The following LRRC7 variants were observed in gnomAD, a reference collection of about 807,000 sequenced individuals.
LRRC7 encodes the protein leucine-rich repeat-containing protein 7.
LRRC7 carries 23 observed loss-of-function variants against 175.7 expected under a neutral mutation model. The observed-to-expected ratio is 0.13, with a 90% CI of 0.09 to 0.19. LRRC7 has a LOEUF of 0.19. Among genes scored for constraint, LRRC7 ranks in the 10% least tolerant of loss-of-function variants. LRRC7 has a pLI of 1.00. For synonymous variants in LRRC7, 685 were observed against 680.9 expected, an observed-to-expected ratio of 1.01 and a Z score of -0.09; for missense variants, 1,354 against 1,904.7, an observed-to-expected ratio of 0.71 and a Z score of 5.38.
intron 1 of LRRC7, among the ~76,000 whole-genome samples, chr1:69,637,645 ATCT>A (rs1264995605): frequency 6.6e-6 from 1 of 151,914 alleles, no homozygotes; most frequent in Non-Finnish European, 1.5e-5. Flanking sequence ...ATACACGTTA[ATCT>A]TCTTTTCCTT....
At chr1:69,920,149 CG>C in intron 7 of LRRC7, 1 of 189,606 alleles carries the variant, frequency 5.3e-6, no homozygotes, top group Non-Finnish European at 1.1e-5. Flanking sequence ...TCAGCAGAGC[CG>C]CCCCATGTCC....
intron 1 of LRRC7, among the ~76,000 whole-genome samples, chr1:69,597,599 T>C (rs1646895027): frequency 1.3e-5 from 2 of 152,154 alleles, no homozygotes; most frequent in Non-Finnish European, 2.9e-5. Context: ...TCAAGCATAA[T>C]GTCCGTAGCA....
At chr1:69,880,642 G>T (rs556935857) in intron 7 of LRRC7, among the ~76,000 whole-genome samples, 1 of 152,122 alleles carries the variant, frequency 6.6e-6, no homozygotes, top group East Asian at 1.9e-4. Flanking sequence ...CTGTAATCAT[G>T]ACAAAAGAAG....
At chr1:69,623,830 G>A (rs964038236) in intron 1 of LRRC7, among the ~76,000 whole-genome samples, 2 of 152,072 alleles carry the variant, frequency 1.3e-5, no homozygotes, top group Admixed American at 6.6e-5. Context: ...GATTACAGGC[G>A]AGGCATGATA....
intron 2 of LRRC7, among the ~76,000 whole-genome samples, chr1:69,732,367 G>T (rs1667672468): frequency 6.6e-6 from 1 of 151,912 alleles, no homozygotes; most frequent in Non-Finnish European, 1.5e-5. Flanking sequence ...ATTGCTCAAG[G>T]AAAGATGAAC....
At chr1:70,105,675 G>A (rs2102209033) in intron 25 of LRRC7, among the ~76,000 whole-genome samples, 1 of 152,106 alleles carries the variant, frequency 6.6e-6, no homozygotes, top group Non-Finnish European at 1.5e-5. Context: ...TCAATGCCCT[G>A]TTATTAGACT....
intron 2 of LRRC7, among the ~76,000 whole-genome samples, chr1:69,701,954 G>T (rs553104157): frequency 1.3e-5 from 2 of 151,966 alleles, no homozygotes; most frequent in Non-Finnish European, 2.9e-5. Flanking sequence ...GTGTCCATGC[G>T]GTATAAAGTT....
At chr1:70,080,678 A>G (rs1276571747) in intron 24 of LRRC7, among the ~76,000 whole-genome samples, 1 of 152,236 alleles carries the variant, frequency 6.6e-6, no homozygotes, top group East Asian at 1.9e-4. Context: ...TATAAATCTG[A>G]CTTCAAATAA....
chr1:69,773,829 C>T (rs773846261), intron 3 of LRRC7, among the ~76,000 whole-genome samples: 5 of 152,102 alleles, frequency 3.3e-5, no homozygotes, highest in East Asian at 1.9e-4. Flanking sequence ...TAAAGCACAA[C>T]GAGGTTAAAG....
intron 1 of LRRC7, among the ~76,000 whole-genome samples, chr1:69,632,205 T>C (rs1270187835): frequency 1.3e-5 from 2 of 152,060 alleles, no homozygotes; most frequent in Non-Finnish European, 2.9e-5. Flanking sequence ...ACAGCACCCA[T>C]TGTTTCCCTC....
intron 8 of LRRC7, among the ~76,000 whole-genome samples, chr1:69,950,333 C>T (rs527894726): frequency 2.6e-5 from 4 of 151,758 alleles, no homozygotes; most frequent in South Asian, 2.1e-4. Context: ...AAGGTAAATA[C>T]GGAAGAGATA....
At chr1:69,773,469 G>T (rs1029699560) in intron 3 of LRRC7, among the ~76,000 whole-genome samples, 1 of 152,158 alleles carries the variant, frequency 6.6e-6, no homozygotes, top group Non-Finnish European at 1.5e-5. Flanking sequence ...AACTGAGAGG[G>T]TGAGAGAGTG....
intron 7 of LRRC7, among the ~76,000 whole-genome samples, chr1:69,878,059 A>G (rs1686204551): frequency 6.6e-6 from 1 of 152,168 alleles, no homozygotes; most frequent in Admixed American, 6.5e-5. Context: ...AGTTATGTGA[A>G]AGTAGAAGAA....
intron 7 of LRRC7, among the ~76,000 whole-genome samples, chr1:69,877,637 C>T (rs1463491915): frequency 2.0e-5 from 3 of 152,134 alleles, no homozygotes; most frequent in African/African-American, 7.2e-5. Flanking sequence ...CCAAGTTCTT[C>T]CTGCTTATTC....
At position 69,916,066 on chromosome 1, in the gene LRRC7, TTATATATATAATATATATATTATATA is replaced by T. The variant is rs1557884071; in HGVS notation, c.648-15440_648-15415del. Among the ~76,000 whole-genome samples the T allele has an allele frequency of 7.8e-4, 104 of 134,108 alleles. 4 individuals carry two copies. Among genetic ancestry groups the T allele is most frequent in the African/African-American group, 3.1e-3 (101 of 32,816 alleles). The allele number at this position is 134,108 out of a possible 152,430, so 88.0% of individuals were successfully genotyped here. A position where few individuals can be genotyped will look rare whatever the true frequency, so the allele number is the denominator to read the frequency against. On this transcript the variant is annotated intron_variant, in intron 7 of 26. Coordinates refer to ENST00000651989, the MANE Select transcript of LRRC7 (RefSeq NM_001370785.2). ...TATATATATATTTTATATGTATATT[TTATATATATAATATATATATTATATA>T]CATATTTTATATATAATATATATAT...
At chr1:70,046,472 C>G (rs986475466) in intron 22 of LRRC7, among the ~76,000 whole-genome samples, 2 of 151,980 alleles carry the variant, frequency 1.3e-5, no homozygotes, top group Non-Finnish European at 2.9e-5. Flanking sequence ...AAAGACTCCA[C>G]CTCAAAATAA....
chr1:69,860,768 C>A (rs1429191206), intron 7 of LRRC7, among the ~76,000 whole-genome samples: 1 of 151,838 alleles, frequency 6.6e-6, no homozygotes, highest in East Asian at 1.9e-4. Flanking sequence ...ACTATAAATT[C>A]TTATTGAAGG....
At chr1:69,960,320 T>C (rs1287048155) in intron 8 of LRRC7, among the ~76,000 whole-genome samples, 1 of 152,136 alleles carries the variant, frequency 6.6e-6, no homozygotes, top group Non-Finnish European at 1.5e-5. Context: ...GTGGGGCCAG[T>C]GGTAATACCC....
chr1:69,992,260 T>C (rs1654510990), intron 10 of LRRC7, among the ~76,000 whole-genome samples: 1 of 152,166 alleles, frequency 6.6e-6, no homozygotes, highest in African/African-American at 2.4e-5. Context: ...AATGTAAATA[T>C]TAGCAAATTA....
Sources: gnomAD v4.1 joint callset for allele counts (sites outside exome capture counted in the v4.1 genomes callset) on GRCh38, gnomAD v4.1.1 for gene constraint, MANE v1.5 for transcripts, NCBI Gene and HGNC (gene_info 2026-07-23, HGNC 2026-07-21) for gene names.